CROCC2: variants seen among roughly 807,000 people sequenced by gnomAD.
CROCC2 encodes ciliary rootlet coiled-coil protein 2.
In CROCC2, 163 loss-of-function variants were observed where a neutral mutation model predicts 177.6. The ratio of observed to expected loss-of-function variants is 0.92; its 90% CI spans 0.81 to 1.05. The LOEUF (loss-of-function observed/expected upper bound fraction) is 1.05, where lower values mean the gene tolerates loss of function less well. Among genes scored for constraint, CROCC2 ranks in the 50% least tolerant of loss-of-function variants. The pLI is 0.00. For synonymous variants in CROCC2, 904 were observed against 787.3 expected (o/e 1.15, Z -2.48); for missense variants, 1,929 against 1,797.8 (o/e 1.07, Z -1.32).
intron 28 of CROCC2, among the ~76,000 whole-genome samples, chr2:240,987,330 C>G (rs548501782): frequency 2.0e-5 from 3 of 152,232 alleles, no homozygotes; most frequent in East Asian, 1.9e-4. Context: ...ACCCATAAAC[C>G]CTTTATTGGT....
At chr2:240,938,692 C>A (rs952742894) in intron 14 of CROCC2, among the ~76,000 whole-genome samples, 1 of 152,244 alleles carries the variant, frequency 6.6e-6, no homozygotes, top group South Asian at 2.1e-4. Context: ...CTGAATATTA[C>A]ATCCATGAAT....
chr2:240,985,677 T>C (rs867942522), intron 28 of CROCC2, among the ~76,000 whole-genome samples: 4 of 26,500 alleles, frequency 1.5e-4, no homozygotes, highest in South Asian at 3.7e-3. Flanking sequence ...ACCCAGGCAC[T>C]CACTCCACAC....
At chr2:240,951,277 A>C (rs895361796) in intron 18 of CROCC2, among the ~76,000 whole-genome samples, 21 of 150,166 alleles carry the variant, frequency 1.4e-4, no homozygotes, top group African/African-American at 5.2e-4. Flanking sequence ...CCGTCTGTCC[A>C]TCCATTCACC....
chr2:240,912,660 C>T (rs942171611), intron 1 of CROCC2, among the ~76,000 whole-genome samples: 1 of 152,204 alleles, frequency 6.6e-6, no homozygotes. Flanking sequence ...ATGGAACCTT[C>T]ATTAAGTAGG....
intron 14 of CROCC2, among the ~76,000 whole-genome samples, chr2:240,939,287 T>C (rs137906621): frequency 0.011 from 1,608 of 152,286 alleles, 12 homozygotes; most frequent in Middle Eastern, 0.017. Context: ...CCTCATGTTG[T>C]TAATGTAGTG....
At position 240,950,421 on chromosome 2, in the gene CROCC2, G is replaced by A. The variant is rs760701991; in HGVS notation, c.2740G>A (p.Ala914Thr). The A allele has an allele frequency of 2.5e-5, 39 of 1,550,244 alleles. No individual in the cohort carries two copies. Among genetic ancestry groups the A allele is most frequent in the Middle Eastern group, 1.7e-4 (1 of 6,006 alleles). The change falls in exon 18 of 32, where the codon GCT (alanine) becomes ACT (threonine). Residue 914 changes from alanine (A) to threonine (T), a missense_variant. Physicochemically the swap from Ala to Thr is moderately conservative, Grantham distance 58. This residue lies in a region of CROCC2 where 1,397 missense variants were observed against 1,239.9 expected (regional missense o/e 1.13). Coordinates refer to ENST00000690015, the MANE Select transcript of CROCC2 (RefSeq NM_001351305.2). ...GAAGGAGCTGGTGACAAAAAGTGCAGCTGAGAGGGAGGCTCTGAAGGGGGA... is the reference window on the plus strand; with the variant it reads ...GAAGGAGCTGGTGACAAAAAGTGCAACTGAGAGGGAGGCTCTGAAGGGGGA... ...QEKELVTKSAAEREALKGEIQ... is the reference protein window; with the variant it reads ...QEKELVTKSATEREALKGEIQ...
At chr2:240,989,535 C>A (rs2059862940) in intron 29 of CROCC2, 119 bp from the exon 30 acceptor site, 3 of 976,306 alleles carry the variant, frequency 3.1e-6, no homozygotes, top group South Asian at 3.7e-5. Flanking sequence ...CAGGTCAACA[C>A]CGGCAGAGGG....
chr2:240,972,200 G>A lies in CROCC2; in HGVS notation c.4401+3938G>A, dbSNP rs941837791. Among the ~76,000 whole-genome samples the A allele has an allele frequency of 3.3e-5, 5 of 152,188 alleles. No individual in the cohort carries two copies. Among genetic ancestry groups the A allele is most frequent in the Non-Finnish European group, 5.9e-5 (4 of 68,038 alleles). On this transcript the variant is annotated intron_variant, in intron 27 of 31. Transcript: ENST00000690015. This position sits in a 1 kb window ranked among gnomAD's most constrained non-coding sequence, Gnocchi z 7.1. ...TGGGAGTGGAGAGGAACCCATCAGG[G>A]ACTTTATGTGTCCCCATCCAAATAT... is the stretch of plus-strand genomic sequence containing the variant.
At chr2:240,951,430 C>A (rs1270739360) in intron 18 of CROCC2, among the ~76,000 whole-genome samples, 1 of 152,068 alleles carries the variant, frequency 6.6e-6, no homozygotes, top group Admixed American at 6.6e-5. Context: ...ATCTCTCTAT[C>A]CACCCATCCA....
chr2:240,949,545 A>C lies in CROCC2; in HGVS notation c.2495A>C (p.Gln832Pro). 6.5e-7 allele frequency: 1 copy of C among 1,550,368 alleles called. No individual in the cohort carries two copies. The highest frequency in any genetic ancestry group is 2.4e-5 in the East Asian group (1 of 40,906). The change falls in exon 17 of 32, where the codon CAG (glutamine) becomes CCG (proline). Residue 832 changes from glutamine (Q) to proline (P), a missense_variant. Coordinates refer to ENST00000690015, the MANE Select transcript of CROCC2 (RefSeq NM_001351305.2). The surrounding 1 kb of genome is among the most constrained non-coding windows in gnomAD (Gnocchi z 4.5). ...ARQALQVEME[Q>P]LQSDWEVQEM... is the part of the protein sequence containing the mutation. The stretch of plus-strand genomic sequence containing the variant: ...CATCACCCCACAGTGGAAATGGAGC[A>C]GCTACAAAGTGACTGGGAGGTCCAG...
At chr2:240,975,717 TGC>T (rs1361675556) in intron 27 of CROCC2, among the ~76,000 whole-genome samples, 4 of 138,592 alleles carry the variant, frequency 2.9e-5, no homozygotes, top group African/African-American at 5.5e-5. Flanking sequence ...CCAACCAGCC[TGC>T]TTTTTTTTTT....
chr2:240,949,483 T>C lies in CROCC2; in HGVS notation c.2483-50T>C, dbSNP rs1180891431. On this transcript the variant is annotated intron_variant, in intron 16 of 31. Coordinates refer to ENST00000690015, the MANE Select transcript of CROCC2 (RefSeq NM_001351305.2). This position sits in a 1 kb window ranked among gnomAD's most constrained non-coding sequence, Gnocchi z 4.5. The stretch of plus-strand genomic sequence containing the variant: ...CACTCCCTAGGAAGTCCCAAAGGGT[T>C]CAGGGGTCCACATGCCAGGCCCTGG... 3 of 1,539,828 alleles carry C rather than the reference T, an allele frequency of 1.9e-6. No individual in the cohort carries two copies. The highest frequency in any genetic ancestry group is 2.6e-6 in the Non-Finnish European group (3 of 1,138,884).
At position 240,917,161 on chromosome 2, in the gene CROCC2, G is replaced by C. The variant is rs112254090; in HGVS notation, c.79-1565G>C. ...TGCACGGGCTGTCGGGAGGACGGGC[G>C]GGCTGGCCCCAGACCTCAGCTGATA... On this transcript the variant is annotated intron_variant, in intron 1 of 31. Transcript: ENST00000690015. The surrounding 1 kb of genome is among the most constrained non-coding windows in gnomAD (Gnocchi z 4.9). Among the ~76,000 whole-genome samples the C allele has an allele frequency of 3.9e-5, 6 of 152,204 alleles. No homozygotes were observed. In the South Asian group the frequency reaches 8.3e-4, roughly 21 times the overall value.
chr2:240,986,952 C>T (rs1328191148), intron 28 of CROCC2, among the ~76,000 whole-genome samples: 3 of 152,202 alleles, frequency 2.0e-5, no homozygotes, highest in Admixed American at 6.5e-5. Context: ...CAGAAGGCCC[C>T]GCAGCCCAGC....
chr2:240,964,726 CT>C, intron 22 of CROCC2, 101 bp downstream of exon 22: 8 of 1,361,718 alleles, frequency 5.9e-6, no homozygotes, highest in Non-Finnish European at 7.9e-6. Context: ...TTGCTGCCGC[CT>C]TTGAACCACT....
At chr2:240,933,486 G>A (rs1183192881) in intron 10 of CROCC2, 144 bp downstream of exon 10, 1 of 1,122,152 alleles carries the variant, frequency 8.9e-7, no homozygotes, top group Non-Finnish European at 1.2e-6. Flanking sequence ...AGTTGTGTGA[G>A]CACCAGTTGA....
At chr2:240,952,625 G>T (rs1013549887) in intron 18 of CROCC2, among the ~76,000 whole-genome samples, 1 of 152,224 alleles carries the variant, frequency 6.6e-6, no homozygotes, top group Non-Finnish European at 1.5e-5. Flanking sequence ...AGAGGACGTG[G>T]ACATTGGCAG....
intron 14 of CROCC2, 22 bp from the exon 15 acceptor site, chr2:240,946,038 G>A (rs1346747602): frequency 7.5e-6 from 11 of 1,475,268 alleles, no homozygotes; most frequent in African/African-American, 7.0e-5. Context: ...TCTGCCGACT[G>A]TCCCCTCCCC....
chr2:240,949,473 C>G lies in CROCC2; in HGVS notation c.2483-60C>G. The G allele has an allele frequency of 6.6e-7, 1 of 1,524,828 alleles. No individual in the cohort carries two copies. The highest frequency in any genetic ancestry group is 1.4e-5 in the African/African-American group (1 of 72,690). The allele number at this position is 1,524,828 out of a possible 1,614,324, so 94.5% of individuals were successfully genotyped here. The stretch of plus-strand genomic sequence containing the variant: ...CCAAGACTGTCACTCCCTAGGAAGT[C>G]CCAAAGGGTTCAGGGGTCCACATGC... On this transcript the variant is annotated intron_variant, in intron 16 of 31. Coordinates refer to ENST00000690015, the MANE Select transcript of CROCC2 (RefSeq NM_001351305.2). The surrounding 1 kb of genome is among the most constrained non-coding windows in gnomAD (Gnocchi z 4.5).
Sources: allele counts gnomAD v4.1 joint callset (sites outside exome capture counted in the v4.1 genomes callset), GRCh38; gene constraint gnomAD v4.1.1; regional missense constraint gnomAD v4.1.1; non-coding constraint Gnocchi (gnomAD v3.1); transcripts MANE v1.5; gene names NCBI Gene and HGNC (gene_info 2026-07-23, HGNC 2026-07-21).